Variants in SPANXB1 observed in about 807,000 individuals in gnomAD.
The protein encoded by SPANXB1 is sperm protein associated with the nucleus on the X chromosome B1.
Under a neutral mutation model 2.0 loss-of-function variants are expected in SPANXB1, and 1 was observed. The observed-to-expected ratio is 0.49, with a 90% confidence interval of 0.18 to 2.34. The LOEUF (loss-of-function observed/expected upper bound fraction) is 2.34. Ranked by LOEUF, SPANXB1 falls within the 30% of genes most tolerant of loss-of-function variation. SPANXB1 has a pLI of 0.26. For missense variants in SPANXB1, 70 were observed against 87.5 expected, an observed-to-expected ratio of 0.80 and a Z score of 0.80; for synonymous variants, 22 against 35.8, an observed-to-expected ratio of 0.61 and a Z score of 1.38.
chrX:141,002,900 T>C (rs1444085792), intron 1 of SPANXB1, 117 bp downstream of exon 1: 2 of 1,172,145 alleles, frequency 1.7e-6, no homozygotes, highest in Non-Finnish European at 2.3e-6. Flanking sequence ...GGGGGCCCGC[T>C]TAATGCCAGA....
In SPANXB1 at chrX:141,002,632, C is replaced by A. The variant is rs1221821060; in HGVS notation, c.-62C>A. The A allele has an allele frequency of 8.3e-7, 1 of 1,210,439 alleles. No homozygotes were observed. Among genetic ancestry groups the A allele is most frequent in the East Asian group, 3.0e-5 (1 of 33,805 alleles). ...GCATAGGGAGGGCAAGAGCTCTGGG[C>A]CACTGCGAAGATTCAAAAGCTCCAA... On this transcript the variant is annotated 5_prime_UTR_variant, in exon 1 of 2. Transcript: ENST00000449283.
Position 141,003,451 on chromosome X carries a change from G to A in SPANXB1, c.111G>A (p.Gly37=). The change falls in exon 2 of 2, where the codon GGG becomes GGA. Residue 37 remains glycine (G), a synonymous_variant. Coordinates refer to ENST00000449283, the MANE Select transcript of SPANXB1 (RefSeq NM_032461.4). ...AACAGATGCCGGAGACCCCAACTGGGGACTCAGACCCGCAACCTGCTCCTA... is the reference window on the plus strand; with the variant it reads ...AACAGATGCCGGAGACCCCAACTGGAGACTCAGACCCGCAACCTGCTCCTA... The part of the protein sequence containing the change: ...ANKTMPETPT[G]DSDPQPAPKK... The A allele has an allele frequency of 8.2e-7, 1 of 1,212,298 alleles. No individual in the cohort carries two copies. Among genetic ancestry groups the A allele is most frequent in the Non-Finnish European group, 1.1e-6 (1 of 895,132 alleles).
At chrX:141,003,011 T>C (rs1348972256) in intron 1 of SPANXB1, among the ~76,000 whole-genome samples, 5 of 113,355 alleles carry the variant, frequency 4.4e-5, no homozygotes, top group Admixed American at 1.9e-4. Context: ...GATGTTCTTA[T>C]GATCAGGTGG....
chrX:141,003,419 T>C lies in SPANXB1; in HGVS notation c.91-12T>C, dbSNP rs1365052877. ...ATAATGTCCTCCTGGCCTCTCCCTG[T>C]TTTCTTAACAGATGCCGGAGACCCC... is the stretch of plus-strand genomic sequence containing the variant. On this transcript the variant is annotated splice_polypyrimidine_tract_variant and intron_variant, in intron 1 of 1. Transcript: ENST00000449283. 0.048 allele frequency: 48,577 copies of C among 1,021,076 alleles called. 479 individuals are homozygous for C. The highest frequency in any genetic ancestry group is 0.052 in the Non-Finnish European group (38,394 of 742,691). 84.1% of individuals were successfully genotyped at this position (1,021,076 alleles called of 1,213,427 possible). A position where few individuals can be genotyped will look rare whatever the true frequency, so the allele number is the denominator to read the frequency against.
At chrX:141,002,894 G>T in intron 1 of SPANXB1, 111 bp downstream of exon 1, 1 of 1,179,878 alleles carries the variant, frequency 8.5e-7, no homozygotes. Context: ...GAAGTGGGGG[G>T]CCCGCTTAAT....
intron 1 of SPANXB1, among the ~76,000 whole-genome samples, chrX:141,002,984 C>T (rs1473617717): frequency 8.3e-4 from 94 of 113,114 alleles, no homozygotes; most frequent in African/African-American, 2.9e-3. Context: ...GCTTGCTGCC[C>T]GGCAGGATAT....
chrX:141,002,759 C>CGAGGCCAAT lies in SPANXB1; in HGVS notation c.75_83dup (p.Glu26_Asn28dup), dbSNP rs1279444069. 4 of 1,208,610 alleles carry CGAGGCCAAT rather than the reference C, an allele frequency of 3.3e-6. No individual in the cohort carries two copies. The highest frequency in any genetic ancestry group is 2.2e-5 in the Admixed American group (1 of 45,869). The stretch of plus-strand genomic sequence containing the variant: ...TCCCCTGTGAATCCAACGAGGCCAA[C>CGAGGCCAAT]GAGGCCAATGAGGCCAACAAGACGG... On this transcript the variant is annotated inframe_insertion, in exon 1 of 2. Transcript: ENST00000449283.
In SPANXB1 at chrX:141,003,558, T is replaced by C. The variant is rs2012351567; in HGVS notation, c.218T>C (p.Leu73Pro). 8.2e-7 allele frequency: 1 copy of C among 1,212,889 alleles called. No homozygotes were observed. The highest frequency in any genetic ancestry group is 1.1e-6 in the Non-Finnish European group (1 of 895,630). Residue 73 changes from leucine (L) to proline (P), a missense_variant, in exon 2 of 2, where the codon CTG becomes CCG. Coordinates refer to ENST00000449283, the MANE Select transcript of SPANXB1 (RefSeq NM_032461.4). ...GTGAAAAGAACATCTCCAGAGGAAC[T>C]GCTGAATGACCACGCCCGAGAGAAC... is the stretch of plus-strand genomic sequence containing the variant. ...RNVKRTSPEE[L>P]LNDHARENRI...
intron 1 of SPANXB1, among the ~76,000 whole-genome samples, chrX:141,003,071 G>A (rs1158011889): frequency 8.8e-6 from 1 of 113,206 alleles, no homozygotes; most frequent in Non-Finnish European, 1.9e-5. Context: ...TTAGAACGCT[G>A]CCAAGCAAGA....
chrX:141,003,415 C>T lies in SPANXB1; in HGVS notation c.91-16C>T. ...CAAAATAATGTCCTCCTGGCCTCTC[C>T]CTGTTTTCTTAACAGATGCCGGAGA... is the stretch of plus-strand genomic sequence containing the variant. On this transcript the variant is annotated splice_polypyrimidine_tract_variant and intron_variant, in intron 1 of 1. Coordinates refer to ENST00000449283, the MANE Select transcript of SPANXB1 (RefSeq NM_032461.4). The T allele has an allele frequency of 2.5e-6, 3 of 1,212,303 alleles. No homozygotes were observed. In the East Asian group the frequency reaches 8.9e-5, roughly 36 times the overall value.
Position 141,002,690 on chromosome X carries a change from T to C in SPANXB1, c.-4T>C, listed in dbSNP as rs1252429010. ...CTGTAGACATCGAAGAACCAATATA[T>C]ACAATGGGCCAACAATCCAGTGTCC... On this transcript the variant is annotated 5_prime_UTR_variant, in exon 1 of 2. Transcript: ENST00000449283. The C allele has an allele frequency of 5.8e-6, 7 of 1,212,126 alleles. No homozygotes were observed. The African/African-American group carries it at 1.2e-4, about 21-fold the overall frequency.
Position 141,002,682 on chromosome X carries a change from C to T in SPANXB1, c.-12C>T. On this transcript the variant is annotated 5_prime_UTR_variant, in exon 1 of 2. Coordinates refer to ENST00000449283, the MANE Select transcript of SPANXB1 (RefSeq NM_032461.4). ...AAAACCTACTGTAGACATCGAAGAA[C>T]CAATATATACAATGGGCCAACAATC... 8.2e-7 allele frequency: 1 copy of T among 1,212,610 alleles called. No homozygotes were observed. The highest frequency in any genetic ancestry group is 1.1e-6 in the Non-Finnish European group (1 of 895,498).
Position 141,003,476 on chromosome X carries a change from A to C in SPANXB1, c.136A>C (p.Lys46Gln), listed in dbSNP as rs1309917968. The change falls in exon 2 of 2, where the codon AAA becomes CAA. Residue 46 changes from lysine (K) to glutamine (Q), a missense_variant. By Grantham distance (53) the Lys-to-Gln change is moderately conservative (BLOSUM62 1). Around this residue, in one of 3 missense-constraint regions of SPANXB1, gnomAD observed 5 missense variants for 37.4 expected, o/e 0.13. Coordinates refer to ENST00000449283, the MANE Select transcript of SPANXB1 (RefSeq NM_032461.4). The stretch of plus-strand genomic sequence containing the variant: ...GGACTCAGACCCGCAACCTGCTCCT[A>C]AAAAAATGAAAACATCTGAGTCCTC... ...TGDSDPQPAP[K>Q]KMKTSESSTI... The C allele has an allele frequency of 8.3e-7, 1 of 1,211,910 alleles. No homozygotes were observed. The highest frequency in any genetic ancestry group is 1.1e-6 in the Non-Finnish European group (1 of 894,984).
chrX:141,002,764 C>G lies in SPANXB1; in HGVS notation c.71C>G (p.Ala24Gly). 1 of 1,207,877 alleles carries G rather than the reference C, an allele frequency of 8.3e-7. No homozygotes were observed. Among genetic ancestry groups the G allele is most frequent in the Non-Finnish European group, 1.1e-6 (1 of 891,412 alleles). The change falls in exon 1 of 2, where the codon GCC (alanine) becomes GGC (glycine). Residue 24 changes from alanine (A) to glycine (G), a missense_variant. Ala to Gly is a moderately conservative substitution (Grantham distance 60). Coordinates refer to ENST00000449283, the MANE Select transcript of SPANXB1 (RefSeq NM_032461.4). ...TGTGAATCCAACGAGGCCAACGAGG[C>G]CAATGAGGCCAACAAGACGGTAAGA... ...VPCESNEANE[A>G]NEANKTMPET...
Position 141,002,711 on chromosome X carries a change from T to A in SPANXB1, c.18T>A (p.Ser6Arg). The change falls in exon 1 of 2, where the codon AGT (serine) becomes AGA (arginine). Residue 6 changes from serine (S) to arginine (R), a missense_variant. Physicochemically the swap from Ser to Arg is moderately radical, Grantham distance 110 (BLOSUM62 -1). Coordinates refer to ENST00000449283, the MANE Select transcript of SPANXB1 (RefSeq NM_032461.4). MGQQS[S>R]VRRLKRSVPC... ...TATATACAATGGGCCAACAATCCAG[T>A]GTCCGCAGGCTGAAGAGGAGCGTCC... The A allele has an allele frequency of 1.6e-6, 2 of 1,212,471 alleles. No individual in the cohort carries two copies. Among genetic ancestry groups the A allele is most frequent in the East Asian group, 5.9e-5 (2 of 33,835 alleles).
chrX:141,002,629 G>A lies in SPANXB1; in HGVS notation c.-65G>A, dbSNP rs2012322862. 8.3e-7 allele frequency: 1 copy of A among 1,209,436 alleles called. No homozygotes were observed. Among genetic ancestry groups the A allele is most frequent in the East Asian group, 3.0e-5 (1 of 33,738 alleles). On this transcript the variant is annotated 5_prime_UTR_variant, in exon 1 of 2. Transcript: ENST00000449283. ...TATGCATAGGGAGGGCAAGAGCTCT[G>A]GGCCACTGCGAAGATTCAAAAGCTC...
intron 1 of SPANXB1, among the ~76,000 whole-genome samples, 179 bp downstream of exon 1, chrX:141,002,962 C>T (rs2012334718): frequency 8.8e-6 from 1 of 113,689 alleles, no homozygotes; most frequent in South Asian, 3.5e-4. Flanking sequence ...TGGGAGGGGC[C>T]TGGGCAGTAT....
chrX:141,003,042 A>AATATC (rs2012336726), intron 1 of SPANXB1, among the ~76,000 whole-genome samples: 1 of 113,199 alleles, frequency 8.8e-6, no homozygotes, highest in Admixed American at 9.3e-5. Flanking sequence ...TTTCTGGTGG[A>AATATC]ATATCATTGT....
In SPANXB1 at chrX:141,002,682, C is replaced by G. The variant is rs2012324613; in HGVS notation, c.-12C>G. Reference sequence around the variant, plus strand: ...AAAACCTACTGTAGACATCGAAGAACCAATATATACAATGGGCCAACAATC... The same window carrying G: ...AAAACCTACTGTAGACATCGAAGAAGCAATATATACAATGGGCCAACAATC... On this transcript the variant is annotated 5_prime_UTR_variant, in exon 1 of 2. Transcript: ENST00000449283. The G allele has an allele frequency of 8.2e-7, 1 of 1,212,132 alleles. No individual in the cohort carries two copies. The highest frequency in any genetic ancestry group is 1.8e-5 in the South Asian group (1 of 57,035).
Sources: allele counts gnomAD v4.1 joint callset (sites outside exome capture counted in the v4.1 genomes callset), GRCh38; gene constraint gnomAD v4.1.1; regional missense constraint gnomAD v4.1.1; transcripts MANE v1.5; gene names NCBI Gene and HGNC (gene_info 2026-07-23, HGNC 2026-07-21).